NEBL: variants seen among roughly 807,000 people sequenced by gnomAD.
NEBL encodes LIM and SH3 protein 2.
A neutral mutation model predicts 140.2 loss-of-function variants in NEBL; 122 were observed. The ratio of observed to expected loss-of-function variants is 0.87; its 90% CI spans 0.75 to 1.01. The LOEUF is 1.01. Among genes scored for constraint, NEBL ranks in the 50% least tolerant of loss-of-function variants. NEBL has a pLI of 0.00. For missense variants in NEBL, 1,365 were observed against 1,231.3 expected (o/e 1.11, Z -1.62); for synonymous variants, 436 against 398.9 (o/e 1.09, Z -1.11).
rs57289458 is a variant in NEBL at position 20,896,483 on chromosome 10, CATAT to C, written c.153+471_153+474del. Among the ~76,000 whole-genome samples the C allele has an allele frequency of 2.0e-3, 174 of 88,084 alleles. 1 individual carries two copies. Among genetic ancestry groups the C allele is most frequent in the Admixed American group, 6.4e-3 (44 of 6,850 alleles). 57.8% of individuals were successfully genotyped at this position (88,084 alleles called of 152,430 possible). On this transcript the variant is annotated intron_variant, in intron 2 of 27. Transcript: ENST00000377122. ...CTGAATTGTAAATAAATATTATATG[CATAT>C]ATATATATATATATATATATATATA...
At chr10:21,047,956 A>G (rs1318109031) in intron 2 of NEBL, among the ~76,000 whole-genome samples, 2 of 152,236 alleles carry the variant, frequency 1.3e-5, no homozygotes, top group African/African-American at 4.8e-5. Flanking sequence ...TATAGCTTAG[A>G]ACCTTCCCTT....
At chr10:20,857,076 G>A (rs144139914) in intron 9 of NEBL, among the ~76,000 whole-genome samples, 10 of 152,102 alleles carry the variant, frequency 6.6e-5, no homozygotes, top group African/African-American at 9.6e-5. Context: ...TGATCCACCC[G>A]CCTCCCACAG....
At chr10:20,960,653 G>A (rs1836009084) in intron 4 of NEBL, among the ~76,000 whole-genome samples, 3 of 151,652 alleles carry the variant, frequency 2.0e-5, no homozygotes, top group Admixed American at 6.6e-5. Flanking sequence ...GTATATGTGT[G>A]TATATATACA....
intron 3 of NEBL, among the ~76,000 whole-genome samples, chr10:20,888,893 G>T (rs1846780864): frequency 6.6e-6 from 1 of 152,180 alleles, no homozygotes; most frequent in African/African-American, 2.4e-5. Context: ...AACAAACTAT[G>T]TTCTTCCATT....
At chr10:21,221,689 G>A (rs1338226006) in intron 3 of NEBL, among the ~76,000 whole-genome samples, 1 of 152,102 alleles carries the variant, frequency 6.6e-6, no homozygotes, top group Non-Finnish European at 1.5e-5. Flanking sequence ...ATTTTTAGCA[G>A]AGACAGGGTT....
At chr10:21,172,501 A>G (rs747916176) in intron 1 of NEBL, 2 of 1,550,454 alleles carry the variant, frequency 1.3e-6, no homozygotes, top group Admixed American at 1.7e-5. Context: ...AAAAACATTT[A>G]AAAATACAGT....
chr10:20,809,971 G>C (rs993371256), intron 24 of NEBL, 73 bp from the exon 25 acceptor site: 4 of 942,300 alleles, frequency 4.2e-6, no homozygotes, highest in Non-Finnish European at 6.5e-6. Flanking sequence ...AAAAAAGCCA[G>C]TACCCAAAAG....
intron 3 of NEBL, among the ~76,000 whole-genome samples, chr10:21,220,821 A>G (rs1842056478): frequency 6.6e-6 from 1 of 152,200 alleles, no homozygotes; most frequent in Non-Finnish European, 1.5e-5. Flanking sequence ...CAAATAACCT[A>G]ATTTTAAAAT....
chr10:21,212,667 C>T (rs891668932), intron 3 of NEBL, among the ~76,000 whole-genome samples: 1 of 152,178 alleles, frequency 6.6e-6, no homozygotes, highest in African/African-American at 2.4e-5. Context: ...ACACCTGGCT[C>T]CTGAGCCAGG....
chr10:20,999,483 C>T (rs1233052129), intron 3 of NEBL, among the ~76,000 whole-genome samples: 1 of 152,130 alleles, frequency 6.6e-6, no homozygotes, highest in Non-Finnish European at 1.5e-5. Context: ...CCTGTAGTCC[C>T]AGCTACTCAG....
intron 2 of NEBL, among the ~76,000 whole-genome samples, chr10:21,024,159 T>G (rs1838926745): frequency 6.6e-6 from 1 of 152,122 alleles, no homozygotes; most frequent in African/African-American, 2.4e-5. Context: ...ACTAGCATAC[T>G]ATGCAATGTA....
chr10:21,045,953 A>G (rs1834493525), intron 2 of NEBL, among the ~76,000 whole-genome samples: 1 of 152,216 alleles, frequency 6.6e-6, no homozygotes, highest in Non-Finnish European at 1.5e-5. Context: ...AATAGATAAG[A>G]CACGGAATGA....
chr10:20,923,169 T>C (rs1245509742), intron 4 of NEBL, among the ~76,000 whole-genome samples: 2 of 151,936 alleles, frequency 1.3e-5, no homozygotes, highest in African/African-American at 4.8e-5. Context: ...CCCATCTCAA[T>C]CGATCCTCCA....
intron 11 of NEBL, 91 bp from the exon 12 acceptor site, chr10:20,845,459 T>A: frequency 1.2e-6 from 1 of 831,942 alleles, no homozygotes; most frequent in Admixed American, 2.0e-5. Flanking sequence ...ACAAAAATGA[T>A]GTTTTCTTAG....
chr10:21,166,573 C>G (rs909374850), intron 2 of NEBL, among the ~76,000 whole-genome samples: 2 of 152,202 alleles, frequency 1.3e-5, no homozygotes, highest in African/African-American at 2.4e-5. Flanking sequence ...CTACTGTTTC[C>G]TGGAGGTCTG....
chr10:21,150,952 T>C (rs1029229179), intron 2 of NEBL, among the ~76,000 whole-genome samples: 2 of 152,150 alleles, frequency 1.3e-5, no homozygotes, highest in Non-Finnish European at 2.9e-5. Context: ...GTGAGAGGAA[T>C]GTTTCCTCAG....
In NEBL at chr10:20,781,403, A is replaced by G. The variant is rs1206064043; in HGVS notation, c.*4344T>C. Reference sequence around the variant, plus strand: ...CAATTTTGATCACAGGTCAAACATCAAGTTTCACACCATGCCTGTAATAGA... The same window carrying G: ...CAATTTTGATCACAGGTCAAACATCGAGTTTCACACCATGCCTGTAATAGA... On this transcript the variant is annotated 3_prime_UTR_variant, in exon 28 of 28. Transcript: ENST00000377122. 2 of 152,386 alleles carry G rather than the reference A, an allele frequency of 1.3e-5. No homozygotes were observed. The highest frequency in any genetic ancestry group is 4.8e-5 in the African/African-American group (2 of 41,580). The allele number at this position is 152,386 out of a possible 1,614,324, so 9.4% of individuals were successfully genotyped here.
chr10:20,896,421 C>A (rs1206928975), intron 2 of NEBL, among the ~76,000 whole-genome samples: 1 of 145,652 alleles, frequency 6.9e-6, no homozygotes, highest in Non-Finnish European at 1.5e-5. Context: ...GCACTAATAT[C>A]AGGGTTCTTA....
chr10:21,064,056 A>G (rs914796136), intron 2 of NEBL, among the ~76,000 whole-genome samples: 1 of 152,112 alleles, frequency 6.6e-6, no homozygotes, highest in Non-Finnish European at 1.5e-5. Context: ...TGGGCAACAG[A>G]GGGAGACCCT....
Sources: gnomAD v4.1 joint callset for allele counts (sites outside exome capture counted in the v4.1 genomes callset) on GRCh38, gnomAD v4.1.1 for gene constraint, MANE v1.5 for transcripts, NCBI Gene and HGNC (gene_info 2026-07-23, HGNC 2026-07-21) for gene names.